Variants in BRF1 observed in about 807,000 individuals in gnomAD.
BRF1 encodes the protein BRF1 general transcription factor IIIB subunit.
BRF1 carries 59 observed loss-of-function variants against 81.7 expected under a neutral mutation model. The observed-to-expected ratio is 0.72, with a 90% CI of 0.59 to 0.90. BRF1 has a LOEUF of 0.90. Among genes scored for constraint, BRF1 ranks in the 40% least tolerant of loss-of-function variants. The pLI is 0.00. For synonymous variants in BRF1, 491 were observed against 395.6 expected (o/e 1.24, Z -2.86); for missense variants, 1,050 against 936.3 (o/e 1.12, Z -1.58).
chr14:105,304,063 AG>A (rs1298850406), upstream of BRF1, among the ~76,000 whole-genome samples: 1 of 152,212 alleles, frequency 6.6e-6, no homozygotes, highest in African/African-American at 2.4e-5. Flanking sequence ...TGCAGGTGCA[AG>A]GGGCAGCATG....
In BRF1 at chr14:105,214,436, A is replaced by G. The variant is rs147118704; in HGVS notation, c.1773-2272T>C. On this transcript the variant is annotated intron_variant, in intron 15 of 17. Coordinates refer to ENST00000547530, the MANE Select transcript of BRF1 (RefSeq NM_001519.4). ...GTGGCTCAGCTGCCCACACCCATGCATGGCCCACCCCTGCGTGGCTCAGCT... is the reference window on the plus strand; with the variant it reads ...GTGGCTCAGCTGCCCACACCCATGCGTGGCCCACCCCTGCGTGGCTCAGCT... Among the ~76,000 whole-genome samples, 99 of 126,190 alleles carry G rather than the reference A, an allele frequency of 7.8e-4. 2 individuals are homozygous for G. The South Asian group carries it at 0.015, about 19-fold the overall frequency. The allele number at this position is 126,190 out of a possible 152,430, so 82.8% of individuals were successfully genotyped here. A position where few individuals can be genotyped will look rare whatever the true frequency, so the allele number is the denominator to read the frequency against.
chr14:105,217,311 C>T, intron 15 of BRF1: 2 of 638,334 alleles, frequency 3.1e-6, no homozygotes, highest in Admixed American at 6.0e-5. Flanking sequence ...GCTGCAGGAC[C>T]CCCCTGACAG....
intron 1 of BRF1, among the ~76,000 whole-genome samples, chr14:105,312,333 A>G (rs1715911672): frequency 1.3e-5 from 2 of 152,194 alleles, no homozygotes. Flanking sequence ...TTAACTTCTT[A>G]AATAATAATA....
chr14:105,314,114 C>A (rs1361708055), intron 1 of BRF1, among the ~76,000 whole-genome samples: 1 of 152,210 alleles, frequency 6.6e-6, no homozygotes, highest in Non-Finnish European at 1.5e-5. Context: ...GGCTTCGAGT[C>A]CCCGCGACCG....
intron 15 of BRF1, among the ~76,000 whole-genome samples, chr14:105,215,754 GGCACATACACATGCACACACACT>G (rs1891079252): frequency 8.9e-6 from 1 of 112,104 alleles, no homozygotes. Flanking sequence ...CACAGACACA[GGCACATACACATGCACACACACT>G]GCACACACAC....
chr14:105,225,536 C>T (rs891127664), intron 10 of BRF1, among the ~76,000 whole-genome samples: 13 of 152,296 alleles, frequency 8.5e-5, no homozygotes, highest in African/African-American at 3.1e-4. Flanking sequence ...TCTAGTACAA[C>T]ATCAATGACA....
chr14:105,228,679 C>A, intron 7 of BRF1, 141 bp downstream of exon 7: 1 of 885,728 alleles, frequency 1.1e-6, no homozygotes, highest in Non-Finnish European at 1.8e-6. Context: ...ATAGTGTGAC[C>A]GGGGCTGGGC....
intron 6 of BRF1, among the ~76,000 whole-genome samples, 170 bp downstream of exon 6, chr14:105,241,095 C>A (rs2054581419): frequency 6.6e-6 from 1 of 152,218 alleles, no homozygotes; most frequent in South Asian, 2.1e-4. Flanking sequence ...CCAGGAGGTC[C>A]TGGAGGGCTG....
chr14:105,247,408 G>A, intron 5 of BRF1: 1 of 985,426 alleles, frequency 1.0e-6, no homozygotes, highest in Non-Finnish European at 1.2e-6. Flanking sequence ...TGTGCACTCT[G>A]GGCCATTGCA....
intron 1 of BRF1, among the ~76,000 whole-genome samples, chr14:105,313,150 G>C (rs774840464): frequency 6.6e-6 from 1 of 152,180 alleles, no homozygotes; most frequent in Non-Finnish European, 1.5e-5. Flanking sequence ...CCCTGCCTGG[G>C]TTAGACGCTG....
chr14:105,248,632 T>C (rs1001319076), intron 5 of BRF1: 86 of 976,598 alleles, frequency 8.8e-5, no homozygotes, highest in East Asian at 1.2e-4. Context: ...TGCGCTAGGC[T>C]GGGCTCGGGC....
intron 3 of BRF1, among the ~76,000 whole-genome samples, chr14:105,259,889 C>T (rs1159058514): frequency 2.0e-5 from 3 of 151,834 alleles, no homozygotes; most frequent in South Asian, 2.1e-4. Flanking sequence ...TCAGCCTGGG[C>T]GACAGAGCTA....
chr14:105,256,370 C>T (rs1450604122), intron 4 of BRF1, 148 bp downstream of exon 4: 1 of 1,582,412 alleles, frequency 6.3e-7, no homozygotes, highest in African/African-American at 1.4e-5. Context: ...CCTCATCCTA[C>T]AGACCAAAAC....
chr14:105,308,481 C>CTTTTT (rs1227708197), intron 1 of BRF1, among the ~76,000 whole-genome samples: 2 of 124,590 alleles, frequency 1.6e-5, no homozygotes, highest in African/African-American at 6.5e-5. Context: ...CAGATTCTGT[C>CTTTTT]TTTTTTTTTT....
At chr14:105,225,496 G>C (rs932708826) in intron 10 of BRF1, among the ~76,000 whole-genome samples, 1 of 152,160 alleles carries the variant, frequency 6.6e-6, no homozygotes, top group African/African-American at 2.4e-5. Flanking sequence ...ACCAGACTTT[G>C]TAGCAACAGA....
At chr14:105,297,392 C>T (rs1249989120) in intron 1 of BRF1, among the ~76,000 whole-genome samples, 1 of 151,628 alleles carries the variant, frequency 6.6e-6, no homozygotes, top group Non-Finnish European at 1.5e-5. Context: ...TGTGGTGAAA[C>T]CCCGTCTCTA....
rs370603768 is a variant in BRF1 at position 105,226,239 on chromosome 14, T to C, written c.955+12A>G. ...AAAACAGAAGCATTACATGGGAAGATTGGTTGGTTACCTTCAACCTCCTCC... is the reference window on the plus strand; with the variant it reads ...AAAACAGAAGCATTACATGGGAAGACTGGTTGGTTACCTTCAACCTCCTCC... On this transcript the variant is annotated intron_variant, in intron 9 of 17. Coordinates refer to ENST00000547530, the MANE Select transcript of BRF1 (RefSeq NM_001519.4). 68 of 1,614,006 alleles carry C rather than the reference T, an allele frequency of 4.2e-5. No individual in the cohort carries two copies. The highest frequency in any genetic ancestry group is 1.6e-4 in the Middle Eastern group (1 of 6,082).
chr14:105,297,726 G>T (rs2057800208), intron 1 of BRF1, among the ~76,000 whole-genome samples: 1 of 152,156 alleles, frequency 6.6e-6, no homozygotes, highest in Non-Finnish European at 1.5e-5. Context: ...GCCCGGTGCA[G>T]TGGCTCACGC....
intron 1 of BRF1, among the ~76,000 whole-genome samples, chr14:105,295,452 A>G (rs2140532733): frequency 6.6e-6 from 1 of 152,070 alleles, no homozygotes; most frequent in African/African-American, 2.4e-5. Flanking sequence ...CAAGAAAAAT[A>G]CAAAAATTAG....
Sources: gnomAD v4.1 joint callset for allele counts (sites outside exome capture counted in the v4.1 genomes callset) on GRCh38, gnomAD v4.1.1 for gene constraint, MANE v1.5 for transcripts, NCBI Gene and HGNC (gene_info 2026-07-23, HGNC 2026-07-21) for gene names.